Variants in AFF2 observed in about 807,000 individuals in gnomAD.
AFF2 encodes ALF transcription elongation factor 2, also known as AF4/FMR2 family member 2.
AFF2 carries 14 observed loss-of-function variants against 76.9 expected under a neutral mutation model. That is an observed-to-expected ratio of 0.18 (90% CI 0.12 to 0.28). The LOEUF is 0.28. Among genes scored for constraint, AFF2 ranks in the 10% least tolerant of loss-of-function variants. The pLI is 1.00. For missense variants in AFF2, 868 were observed against 1,001.1 expected (o/e 0.87, Z 1.79); for synonymous variants, 398 against 366.7 (o/e 1.09, Z -0.98).
intron 1 of AFF2, among the ~76,000 whole-genome samples, chrX:148,573,015 C>A (rs1305380792): frequency 9.0e-6 from 1 of 111,037 alleles, no homozygotes; most frequent in African/African-American, 3.3e-5. Flanking sequence ...ACAACTTAGA[C>A]CAACAATTTT....
chrX:148,637,670 G>T (rs1447934901), intron 1 of AFF2, among the ~76,000 whole-genome samples: 2 of 111,723 alleles, frequency 1.8e-5, no homozygotes, highest in Non-Finnish European at 3.8e-5. Flanking sequence ...TTTCATAATG[G>T]TGTCTGTATA....
chrX:148,813,520 A>G (rs1267524726), intron 4 of AFF2, among the ~76,000 whole-genome samples: 4 of 112,252 alleles, frequency 3.6e-5, no homozygotes, highest in Admixed American at 2.8e-4. Flanking sequence ...TGTCTATTGC[A>G]TGTCAGGCAC....
At chrX:148,755,983 A>G (rs1291848782) in intron 3 of AFF2, among the ~76,000 whole-genome samples, 1 of 112,198 alleles carries the variant, frequency 8.9e-6, no homozygotes, top group Non-Finnish European at 1.9e-5. Flanking sequence ...GAGCCAGGAA[A>G]CTATTAAAAG....
chrX:148,573,814 TA>T, intron 1 of AFF2, among the ~76,000 whole-genome samples: 1 of 111,587 alleles, frequency 9.0e-6, no homozygotes. Flanking sequence ...ATATTTCTTG[TA>T]TTTGGGGAGA....
chrX:148,502,374 T>A (rs782483588), intron 1 of AFF2, among the ~76,000 whole-genome samples: 1 of 112,468 alleles, frequency 8.9e-6, no homozygotes, highest in African/African-American at 3.2e-5. Context: ...TAAAAAAGGG[T>A]CATATGCTTA....
At chrX:148,896,498 G>A (rs1364215554) in intron 8 of AFF2, among the ~76,000 whole-genome samples, 3 of 111,926 alleles carry the variant, frequency 2.7e-5, no homozygotes, top group Non-Finnish European at 3.8e-5. Flanking sequence ...GCAGATAATG[G>A]CAGCAACTAT....
chrX:148,641,772 G>A (rs1222177364), intron 1 of AFF2, among the ~76,000 whole-genome samples: 1 of 111,774 alleles, frequency 8.9e-6, no homozygotes, highest in Non-Finnish European at 1.9e-5. Context: ...GCTTGTAGAA[G>A]TATCACTGTG....
chrX:148,694,463 G>T (rs1297623188), intron 3 of AFF2, among the ~76,000 whole-genome samples: 1 of 111,805 alleles, frequency 8.9e-6, no homozygotes, highest in Non-Finnish European at 1.9e-5. Context: ...ACAATTTAAT[G>T]TCCATCAACT....
intron 3 of AFF2, among the ~76,000 whole-genome samples, chrX:148,677,073 G>T (rs1244077105): frequency 9.0e-6 from 1 of 110,616 alleles, no homozygotes; most frequent in African/African-American, 3.3e-5. Flanking sequence ...CTAGCAATTT[G>T]AATTAGGGTC....
intron 7 of AFF2, among the ~76,000 whole-genome samples, chrX:148,867,686 G>A (rs2108984): frequency 0.032 from 3,576 of 111,827 alleles, 152 homozygotes; most frequent in African/African-American, 0.11. Flanking sequence ...TTCAGATACT[G>A]TGGAAACAGA....
chrX:148,752,881 A>G (rs567866682), intron 3 of AFF2, among the ~76,000 whole-genome samples: 1 of 112,026 alleles, frequency 8.9e-6, no homozygotes, highest in African/African-American at 3.2e-5. Context: ...TTCTTCATTG[A>G]GCAAAGGGTT....
intron 8 of AFF2, among the ~76,000 whole-genome samples, chrX:148,887,188 G>A (rs2071169174): frequency 8.9e-6 from 1 of 112,818 alleles, no homozygotes; most frequent in Admixed American, 9.4e-5. Flanking sequence ...ACTACATAGT[G>A]CTGGCCTAAG....
chrX:148,811,599 G>A (rs1258790730), intron 4 of AFF2, among the ~76,000 whole-genome samples: 1 of 112,054 alleles, frequency 8.9e-6, no homozygotes, highest in Non-Finnish European at 1.9e-5. Context: ...TTTCTTCTCC[G>A]AGTCACAAGC....
rs6641252 is a variant in AFF2 at position 148,809,354 on chromosome X, C to T, written c.1042-522C>T. Among the ~76,000 whole-genome samples, 89 of 112,066 alleles carry T rather than the reference C, an allele frequency of 7.9e-4. 2 individuals carry two copies. The East Asian group carries it at 0.021, about 26-fold the overall frequency. On this transcript the variant is annotated intron_variant, in intron 3 of 20. Coordinates refer to ENST00000370460, the MANE Select transcript of AFF2 (RefSeq NM_002025.4). Reference sequence around the variant, plus strand: ...AGGTGTCACACTGGGAAAAATGCATCATGGGATTCACTGAGTATACTTCTG... The same window carrying T: ...AGGTGTCACACTGGGAAAAATGCATTATGGGATTCACTGAGTATACTTCTG...
At chrX:148,912,919 G>T (rs1379178042) in intron 9 of AFF2, among the ~76,000 whole-genome samples, 1 of 112,738 alleles carries the variant, frequency 8.9e-6, no homozygotes, top group African/African-American at 3.2e-5. Flanking sequence ...TCAACAATGT[G>T]CTTCCTACAT....
At chrX:148,925,858 A>G (rs1446522291) in intron 9 of AFF2, among the ~76,000 whole-genome samples, 3 of 112,200 alleles carry the variant, frequency 2.7e-5, no homozygotes, top group Non-Finnish European at 5.6e-5. Flanking sequence ...GCTGGGTTCA[A>G]TGGCAAGAGT....
At chrX:148,901,548 T>A (rs1171334045) in intron 8 of AFF2, among the ~76,000 whole-genome samples, 2 of 112,215 alleles carry the variant, frequency 1.8e-5, no homozygotes, top group African/African-American at 6.5e-5. Context: ...GCTATGTCAC[T>A]TCCTTTTAAT....
Position 148,997,351 on chromosome X carries a change from A to G in AFF2, c.*6019A>G, listed in dbSNP as rs2072615744. On this transcript the variant is annotated 3_prime_UTR_variant, in exon 21 of 21. Coordinates refer to ENST00000370460, the MANE Select transcript of AFF2 (RefSeq NM_002025.4). Reference sequence around the variant, plus strand: ...AAATTTTTAAATTAGGCCTCCACACATAAATCATTTTGAAAGTAGAATAGA... The same window carrying G: ...AAATTTTTAAATTAGGCCTCCACACGTAAATCATTTTGAAAGTAGAATAGA... The G allele has an allele frequency of 9.1e-6, 1 of 110,145 alleles. No individual in the cohort carries two copies. The highest frequency in any genetic ancestry group is 3.5e-5 in the African/African-American group (1 of 28,969). The allele number at this position is 110,145 out of a possible 1,213,427, so 9.1% of individuals were successfully genotyped here.
chrX:148,698,797 G>GTTT (rs142604433), intron 3 of AFF2, among the ~76,000 whole-genome samples: 6 of 71,704 alleles, frequency 8.4e-5, no homozygotes, highest in Non-Finnish European at 1.1e-4. Flanking sequence ...GAGTTCTAGT[G>GTTT]TTTTTTTTTT....
Sources: gnomAD v4.1 joint callset for allele counts (sites outside exome capture counted in the v4.1 genomes callset) on GRCh38, gnomAD v4.1.1 for gene constraint, MANE v1.5 for transcripts, NCBI Gene and HGNC (gene_info 2026-07-23, HGNC 2026-07-21) for gene names.